The following STAM2 variants were observed in gnomAD, a reference collection of about 807,000 sequenced individuals.
STAM2 encodes the protein signal transducing adapter molecule 2.
Under a neutral mutation model 65.6 loss-of-function variants are expected in STAM2, and 51 were observed. The observed-to-expected ratio is 0.78, with a 90% confidence interval of 0.62 to 0.98. STAM2 has a LOEUF of 0.98. Ranked by LOEUF, STAM2 falls within the 50% of genes least tolerant of loss-of-function variation. The pLI is 0.00. For missense variants in STAM2, 584 were observed against 617.8 expected (o/e 0.95, Z 0.58); for synonymous variants, 198 against 208.4 (o/e 0.95, Z 0.43).
At chr2:152,149,404 TA>T (rs1226135510) in intron 2 of STAM2, among the ~76,000 whole-genome samples, 1 of 151,808 alleles carries the variant, frequency 6.6e-6, no homozygotes, top group Non-Finnish European at 1.5e-5. Flanking sequence ...ACCCTTTAAC[TA>T]CATGAAAGTT....
chr2:152,126,039 T>C (rs1392398287), intron 12 of STAM2, 187 bp downstream of exon 12: 2 of 445,660 alleles, frequency 4.5e-6, no homozygotes, highest in South Asian at 5.9e-5. Flanking sequence ...TTGTGAAATA[T>C]CAGTATCTGT....
At chr2:152,162,666 C>T (rs1255046854) in intron 1 of STAM2, among the ~76,000 whole-genome samples, 1 of 152,252 alleles carries the variant, frequency 6.6e-6, no homozygotes, top group African/African-American at 2.4e-5. Flanking sequence ...ATTTGAGATA[C>T]AGTCTCACTC....
chr2:152,154,143 G>A (rs1035018125), intron 1 of STAM2, among the ~76,000 whole-genome samples: 1 of 152,156 alleles, frequency 6.6e-6, no homozygotes, highest in Non-Finnish European at 1.5e-5. Flanking sequence ...GCACTAGAGA[G>A]GGGAAGGCCT....
chr2:152,169,207 T>G (rs1421460827), intron 1 of STAM2, among the ~76,000 whole-genome samples: 1 of 152,160 alleles, frequency 6.6e-6, no homozygotes, highest in Non-Finnish European at 1.5e-5. Flanking sequence ...AACTAAAGAT[T>G]AGTAAGAAAT....
Position 152,126,322 on chromosome 2 carries a change from A to G in STAM2, c.1083T>C (p.Tyr361=). ...CTGGTGCTTCATTCACCAATTTGTT[A>G]TATAGTTCCAGAGCTTCCAGGACTT... The part of the protein sequence containing the change: ...NVKVLEALEL[Y]NKLVNEAPVY... The change falls in exon 12 of 14, where the codon TAT becomes TAC. Residue 361 remains tyrosine, a synonymous_variant. Coordinates refer to ENST00000263904, the MANE Select transcript of STAM2 (RefSeq NM_005843.6). 1.2e-6 allele frequency: 2 copies of G among 1,605,264 alleles called. No homozygotes were observed. The highest frequency in any genetic ancestry group is 1.1e-5 in the South Asian group (1 of 89,666).
chr2:152,169,637 G>A (rs1257606178), intron 1 of STAM2, among the ~76,000 whole-genome samples: 1 of 152,076 alleles, frequency 6.6e-6, no homozygotes, highest in Non-Finnish European at 1.5e-5. Flanking sequence ...AAAACAGAAT[G>A]ATGAAGAAAC....
chr2:152,161,243 T>C (rs1041211073), intron 1 of STAM2, among the ~76,000 whole-genome samples: 7 of 151,176 alleles, frequency 4.6e-5, no homozygotes, highest in African/African-American at 1.7e-4. Context: ...CCACTCAGGG[T>C]TGAATGGATT....
intron 1 of STAM2, among the ~76,000 whole-genome samples, chr2:152,154,107 T>C (rs1689498259): frequency 6.6e-6 from 1 of 152,158 alleles, no homozygotes; most frequent in African/African-American, 2.4e-5. Flanking sequence ...TTGTTAATAG[T>C]GAACCCCAGA....
rs1688792540 is a variant in STAM2, at chr2:152,118,489, CATTA to C, written c.*2081_*2084del. On this transcript the variant is annotated 3_prime_UTR_variant, in exon 14 of 14. Transcript: ENST00000263904. ...GTCATGTTTTATTATTCTAAAACTA[CATTA>C]TTTATAATGGCTGATCCCAATTTAG... 6.7e-6 allele frequency: 1 copy of C among 148,682 alleles called. No individual in the cohort carries two copies. Among genetic ancestry groups the C allele is most frequent in the Non-Finnish European group, 1.5e-5 (1 of 67,456 alleles). 9.2% of individuals were successfully genotyped at this position (148,682 alleles called of 1,614,324 possible).
intron 1 of STAM2, among the ~76,000 whole-genome samples, chr2:152,173,746 C>T (rs1419700192): frequency 6.6e-6 from 1 of 152,144 alleles, no homozygotes; most frequent in African/African-American, 2.4e-5. Flanking sequence ...ATATTAAAAA[C>T]GTAATATATA....
intron 1 of STAM2, among the ~76,000 whole-genome samples, chr2:152,172,909 G>A (rs902704812): frequency 2.0e-5 from 3 of 151,522 alleles, no homozygotes; most frequent in African/African-American, 7.3e-5. Flanking sequence ...GGGAAGGAGA[G>A]GATAGTGTCA....
At chr2:152,120,883 C>T (rs1352192087) in intron 13 of STAM2, 81 bp from the exon 14 acceptor site, 17 of 1,055,316 alleles carry the variant, frequency 1.6e-5, no homozygotes, top group Non-Finnish European at 2.2e-5. Flanking sequence ...GACAAAAATG[C>T]CTTTTCCATC....
At chr2:152,129,996 A>G (rs1689029141) in intron 11 of STAM2, among the ~76,000 whole-genome samples, 1 of 152,212 alleles carries the variant, frequency 6.6e-6, no homozygotes, top group Non-Finnish European at 1.5e-5. Flanking sequence ...GAGGCAGAAA[A>G]GAAGTAGTTT....
At chr2:152,133,050 G>T in intron 10 of STAM2, 123 bp downstream of exon 10, 1 of 348,456 alleles carries the variant, frequency 2.9e-6, no homozygotes, top group Non-Finnish European at 4.8e-6. Flanking sequence ...TACTGTACTA[G>T]TCTGTTCCCC....
intron 3 of STAM2, 27 bp downstream of exon 3, chr2:152,148,198 T>C (rs1689370845): frequency 2.5e-6 from 4 of 1,599,570 alleles, no homozygotes; most frequent in Non-Finnish European, 3.4e-6. Flanking sequence ...AAAATTTGCG[T>C]CAAATAATAA....
chr2:152,175,314 G>T (rs953926091), intron 1 of STAM2, among the ~76,000 whole-genome samples: 9 of 152,162 alleles, frequency 5.9e-5, no homozygotes, highest in Admixed American at 5.2e-4. Flanking sequence ...TACTTAATCA[G>T]TCCAGTCTCC....
At chr2:152,164,544 G>A (rs1162068263) in intron 1 of STAM2, among the ~76,000 whole-genome samples, 1 of 152,164 alleles carries the variant, frequency 6.6e-6, no homozygotes, top group Non-Finnish European at 1.5e-5. Flanking sequence ...GTTTTTCCAT[G>A]TTGGTCAGGC....
At chr2:152,125,663 A>G (rs572522243) in intron 12 of STAM2, among the ~76,000 whole-genome samples, 1 of 152,358 alleles carries the variant, frequency 6.6e-6, no homozygotes, top group East Asian at 1.9e-4. Flanking sequence ...CATGTATCAT[A>G]TCTTTGCTAT....
intron 1 of STAM2, among the ~76,000 whole-genome samples, chr2:152,151,057 A>C (rs1337571523): frequency 6.6e-6 from 1 of 152,234 alleles, no homozygotes; most frequent in Non-Finnish European, 1.5e-5. Flanking sequence ...CGAAATATGA[A>C]ATGAGGAATA....
Sources: gnomAD v4.1 joint callset for allele counts (sites outside exome capture counted in the v4.1 genomes callset) on GRCh38, gnomAD v4.1.1 for gene constraint, MANE v1.5 for transcripts, NCBI Gene and HGNC (gene_info 2026-07-23, HGNC 2026-07-21) for gene names.